Variants in CMSS1 observed in about 807,000 individuals in gnomAD.
CMSS1 encodes cms1 ribosomal small subunit homolog, also known as protein CMSS1.
In CMSS1, 33 loss-of-function variants were observed where a neutral mutation model predicts 43.5. That is an observed-to-expected ratio of 0.76 (90% CI 0.57 to 1.01). CMSS1 has a LOEUF of 1.01. CMSS1 is among the 50% of genes least tolerant of loss of function. The probability of loss-of-function intolerance (pLI) is 0.00; values close to 1 mark genes in which losing one functional copy is unlikely to be tolerated. For missense variants in CMSS1, 313 were observed against 326.4 expected (o/e 0.96, Z 0.32); for synonymous variants, 115 against 117.2 (o/e 0.98, Z 0.12).
At chr3:100,150,560 G>T (rs1288184368) in intron 2 of CMSS1, among the ~76,000 whole-genome samples, 2 of 152,136 alleles carry the variant, frequency 1.3e-5, no homozygotes, top group Non-Finnish European at 2.9e-5. Context: ...TCACATTTCT[G>T]TCGCTGAATA....
intron 1 of CMSS1, among the ~76,000 whole-genome samples, chr3:99,888,842 C>G (rs1337532277): frequency 6.6e-6 from 1 of 152,158 alleles, no homozygotes; most frequent in Non-Finnish European, 1.5e-5. Flanking sequence ...TAGCTTGTCT[C>G]TTTTCTCTCC....
At chr3:100,068,937 G>A (rs1296094111) in intron 1 of CMSS1, among the ~76,000 whole-genome samples, 6 of 152,120 alleles carry the variant, frequency 3.9e-5, no homozygotes, top group Admixed American at 3.3e-4. Flanking sequence ...TCTCACCCTC[G>A]CCCAGCAGGT....
intron 1 of CMSS1, among the ~76,000 whole-genome samples, chr3:100,081,405 A>G (rs1200602815): frequency 6.6e-6 from 1 of 152,222 alleles, no homozygotes; most frequent in Non-Finnish European, 1.5e-5. Context: ...GCCCACTGTC[A>G]TACTCTTAAG....
At chr3:99,882,671 CTG>C (rs997578098) in intron 1 of CMSS1, among the ~76,000 whole-genome samples, 2 of 152,142 alleles carry the variant, frequency 1.3e-5, no homozygotes, top group Admixed American at 6.5e-5. Context: ...GACCCAGTCA[CTG>C]TGTTTTCTGG....
chr3:100,092,851 T>C (rs1295803658), intron 1 of CMSS1, among the ~76,000 whole-genome samples: 4 of 151,698 alleles, frequency 2.6e-5, no homozygotes, highest in African/African-American at 9.7e-5. Context: ...GTTCCATTCT[T>C]CTCACAAGAC....
chr3:100,042,980 C>T (rs929412435), intron 1 of CMSS1, among the ~76,000 whole-genome samples: 5 of 152,226 alleles, frequency 3.3e-5, no homozygotes, highest in South Asian at 2.1e-4. Context: ...TGACTGCATT[C>T]GCAGAACAAG....
At chr3:100,044,320 AAAAT>A (rs1181934990) in intron 1 of CMSS1, among the ~76,000 whole-genome samples, 1 of 152,224 alleles carries the variant, frequency 6.6e-6, no homozygotes, top group Admixed American at 6.5e-5. Flanking sequence ...AAACCAGTGA[AAAAT>A]AAATATTTAA....
intron 1 of CMSS1, chr3:99,930,619 A>G: frequency 1.3e-6 from 1 of 773,976 alleles, no homozygotes; most frequent in Non-Finnish European, 2.0e-6. Context: ...GAGTTGGCAG[A>G]GGAGAATTCT....
At chr3:100,048,633 A>G (rs995077844) in intron 1 of CMSS1, among the ~76,000 whole-genome samples, 7 of 152,146 alleles carry the variant, frequency 4.6e-5, no homozygotes, top group Non-Finnish European at 1.0e-4. Flanking sequence ...ACTGCCATTT[A>G]GAGAGGGAAA....
chr3:99,848,307 T>C, intron 1 of CMSS1: 1 of 1,614,100 alleles, frequency 6.2e-7, no homozygotes, highest in African/African-American at 1.3e-5. Context: ...TAATTTGTGA[T>C]TGTCGAGGAA....
chr3:100,032,016 G>A (rs2065029937), intron 1 of CMSS1, among the ~76,000 whole-genome samples: 1 of 151,880 alleles, frequency 6.6e-6, no homozygotes, highest in Admixed American at 6.6e-5. Context: ...TTTTTCAGCT[G>A]TTTAAAAATG....
At chr3:99,924,319 T>C in intron 1 of CMSS1, 1 of 1,614,010 alleles carries the variant, frequency 6.2e-7, no homozygotes, top group Non-Finnish European at 8.5e-7. Flanking sequence ...CCAACTCCAA[T>C]ATGGTTTGCC....
intron 1 of CMSS1, chr3:99,850,712 G>A (rs750854972): frequency 3.7e-6 from 6 of 1,614,120 alleles, no homozygotes; most frequent in South Asian, 1.1e-5. Context: ...TGTTGAAGCT[G>A]GCGATTTTGA....
chr3:100,059,679 C>T (rs1000408239), intron 1 of CMSS1, among the ~76,000 whole-genome samples: 3 of 152,188 alleles, frequency 2.0e-5, no homozygotes, highest in Non-Finnish European at 4.4e-5. Context: ...TGAAAAGGAC[C>T]CATCATGCCT....
At chr3:100,037,510 T>C (rs2065128909) in intron 1 of CMSS1, among the ~76,000 whole-genome samples, 1 of 152,240 alleles carries the variant, frequency 6.6e-6, no homozygotes, top group South Asian at 2.1e-4. Flanking sequence ...GCGCAACATA[T>C]AGAAATCTGA....
At chr3:100,080,010 AT>A (rs1327901767) in intron 1 of CMSS1, among the ~76,000 whole-genome samples, 22 of 152,230 alleles carry the variant, frequency 1.4e-4, no homozygotes, top group Non-Finnish European at 3.1e-4. Context: ...GCAACTCAGA[AT>A]TCACCATATG....
chr3:99,837,381 A>T (rs888165231), intron 1 of CMSS1, among the ~76,000 whole-genome samples: 14 of 152,144 alleles, frequency 9.2e-5, no homozygotes, highest in African/African-American at 3.4e-4. Flanking sequence ...AGGCAAGAAC[A>T]CCATGAAAAG....
intron 1 of CMSS1, among the ~76,000 whole-genome samples, chr3:99,870,139 T>C (rs1483632632): frequency 6.6e-6 from 1 of 152,228 alleles, no homozygotes; most frequent in Non-Finnish European, 1.5e-5. Flanking sequence ...TCAATCTTTA[T>C]TGAGTACTGA....
chr3:100,068,495 A>C (rs2065705806), intron 1 of CMSS1, among the ~76,000 whole-genome samples: 1 of 152,234 alleles, frequency 6.6e-6, no homozygotes, highest in South Asian at 2.1e-4. Flanking sequence ...AAATATTCAT[A>C]CATCTTGCTA....
Sources: gnomAD v4.1 joint callset for allele counts (sites outside exome capture counted in the v4.1 genomes callset) on GRCh38, gnomAD v4.1.1 for gene constraint, MANE v1.5 for transcripts, NCBI Gene and HGNC (gene_info 2026-07-23, HGNC 2026-07-21) for gene names.